The following MID1 variants were observed in gnomAD, a reference collection of about 807,000 sequenced individuals.
MID1 encodes E3 ubiquitin-protein ligase Midline-1.
MID1 carries 7 observed loss-of-function variants against 40.4 expected under a neutral mutation model. The ratio of observed to expected loss-of-function variants is 0.17; its 90% CI spans 0.10 to 0.33. The LOEUF (loss-of-function observed/expected upper bound fraction) is 0.33. Among genes scored for constraint, MID1 ranks in the 10% least tolerant of loss-of-function variants. The probability of loss-of-function intolerance (pLI) is 1.00; values close to 1 mark genes in which losing one functional copy is unlikely to be tolerated. For missense variants in MID1, 367 were observed against 558.5 expected, an observed-to-expected ratio of 0.66 and a Z score of 3.46; for synonymous variants, 229 against 221.2, an observed-to-expected ratio of 1.04 and a Z score of -0.31.
intron 1 of MID1, among the ~76,000 whole-genome samples, chrX:10,669,135 C>T (rs1286442021): frequency 2.0e-5 from 2 of 101,603 alleles, no homozygotes; most frequent in Non-Finnish European, 3.9e-5. Context: ...AGGAGAATGG[C>T]GTGAACCCGG....
intron 6 of MID1, among the ~76,000 whole-genome samples, chrX:10,472,714 C>T (rs941525074): frequency 8.9e-6 from 1 of 112,194 alleles, no homozygotes; most frequent in African/African-American, 3.2e-5. Context: ...ATCGTTTCCC[C>T]TCCACCCCTT....
intron 1 of MID1, among the ~76,000 whole-genome samples, chrX:10,761,018 T>C (rs781095694): frequency 9.0e-6 from 1 of 111,585 alleles, no homozygotes; most frequent in Non-Finnish European, 1.9e-5. Flanking sequence ...ATCATGTTAT[T>C]TTCTATGCTA....
intron 1 of MID1, among the ~76,000 whole-genome samples, chrX:10,680,430 C>T (rs891665652): frequency 3.6e-5 from 4 of 111,846 alleles, no homozygotes; most frequent in African/African-American, 1.3e-4. Flanking sequence ...TTTGCATAAT[C>T]ACTTTAAAAA....
intron 1 of MID1, among the ~76,000 whole-genome samples, chrX:10,647,599 T>C (rs891536336): frequency 8.9e-6 from 1 of 111,971 alleles, no homozygotes; most frequent in African/African-American, 3.2e-5. Flanking sequence ...AAGGGCATAT[T>C]CTGCTCACAG....
In MID1 at chrX:10,551,061, A is replaced by C. The variant is rs1312404649; in HGVS notation, c.660+15827T>G. Among the ~76,000 whole-genome samples the C allele has an allele frequency of 3.6e-5, 4 of 111,894 alleles. No homozygotes were observed. The Admixed American group carries it at 3.8e-4, about 11-fold the overall frequency. ...TCAGGTCCCTTATATAAAATGGCAT[A>C]GTATTTGCATATAACCTATGTATAT... On this transcript the variant is annotated intron_variant, in intron 2 of 9. Coordinates refer to ENST00000317552, the MANE Select transcript of MID1 (RefSeq NM_000381.4).
chrX:10,679,734 G>A (rs1367045221), intron 1 of MID1, among the ~76,000 whole-genome samples: 2 of 111,872 alleles, frequency 1.8e-5, no homozygotes, highest in East Asian at 5.6e-4. Flanking sequence ...GACTTCCGTG[G>A]TTTCTACTTT....
intron 3 of MID1, among the ~76,000 whole-genome samples, chrX:10,522,507 T>C (rs1303766832): frequency 8.9e-6 from 1 of 111,878 alleles, no homozygotes; most frequent in South Asian, 3.7e-4. Flanking sequence ...ATACAATACC[T>C]TTTTTTTGAG....
intron 1 of MID1, among the ~76,000 whole-genome samples, chrX:10,571,515 T>C (rs1391398979): frequency 2.8e-5 from 3 of 108,282 alleles, no homozygotes; most frequent in Non-Finnish European, 5.8e-5. Context: ...TTGCCATTCA[T>C]TCTTTCACCA....
intron 1 of MID1, among the ~76,000 whole-genome samples, chrX:10,763,142 T>A (rs919021286): frequency 9.0e-6 from 1 of 110,868 alleles, no homozygotes; most frequent in Non-Finnish European, 1.9e-5. Context: ...GCTGGTTTTT[T>A]TTTTTTTGCC....
chrX:10,782,469 A>G (rs769607574), intron 1 of MID1, among the ~76,000 whole-genome samples: 1 of 111,703 alleles, frequency 9.0e-6, no homozygotes, highest in South Asian at 3.8e-4. Flanking sequence ...AATTGCTATT[A>G]CCAACAGCAT....
chrX:10,575,879 TG>T (rs1934858586), intron 1 of MID1, among the ~76,000 whole-genome samples: 1 of 110,541 alleles, frequency 9.0e-6, no homozygotes, highest in African/African-American at 3.3e-5. Context: ...AGGTAAAGAA[TG>T]TTACTCTGAA....
At chrX:10,533,521 A>AT (rs767767687) in intron 2 of MID1, among the ~76,000 whole-genome samples, 20 of 110,005 alleles carry the variant, frequency 1.8e-4, no homozygotes, top group African/African-American at 4.3e-4. Context: ...TATACATAAC[A>AT]TTTTTTTTCT....
intron 2 of MID1, among the ~76,000 whole-genome samples, chrX:10,542,548 A>G (rs896709050): frequency 1.8e-5 from 2 of 112,274 alleles, no homozygotes; most frequent in Non-Finnish European, 3.8e-5. Flanking sequence ...TTGAACCTTT[A>G]CTGTTCTAAA....
In MID1 at chrX:10,722,798, C is replaced by A. The variant is rs374351014; in HGVS notation, c.-186-102379G>T. ...AATTGCTGACATTGGGAGCCCCGGT[C>A]GGAACTGCAGAAGCTGCTGCCTCTA... On this transcript the variant is annotated intron_variant, in intron 1 of 10. Coordinates refer to the MID1 transcript ENST00000380785. Among the ~76,000 whole-genome samples, 13 of 111,968 alleles carry A rather than the reference C, an allele frequency of 1.2e-4. No homozygotes were observed. In the East Asian group the frequency reaches 3.6e-3, roughly 31 times the overall value.
intron 1 of MID1, among the ~76,000 whole-genome samples, chrX:10,629,048 C>T (rs1936025031): frequency 9.0e-6 from 1 of 111,518 alleles, no homozygotes; most frequent in Non-Finnish European, 1.9e-5. Flanking sequence ...AACACTCCTT[C>T]ACCTCCTGTG....
At chrX:10,493,498 T>C (rs1415344912) in intron 4 of MID1, among the ~76,000 whole-genome samples, 1 of 112,210 alleles carries the variant, frequency 8.9e-6, no homozygotes, top group Non-Finnish European at 1.9e-5. Flanking sequence ...AGGTAATTTG[T>C]TATTGCAGCA....
At chrX:10,565,779 A>G (rs1859284) in intron 2 of MID1, among the ~76,000 whole-genome samples, 15,510 of 104,738 alleles carry the variant, frequency 0.15, 2,257 homozygotes, top group African/African-American at 0.44. Context: ...TTTCTTCCCT[A>G]GTGCTTTCTA....
At chrX:10,651,858 G>T (rs1569138464) in intron 1 of MID1, among the ~76,000 whole-genome samples, 1 of 111,189 alleles carries the variant, frequency 9.0e-6, no homozygotes, top group Non-Finnish European at 1.9e-5. Context: ...GCTCTCCTGG[G>T]CTCAAGTCAT....
chrX:10,708,514 G>A (rs1246187726), intron 1 of MID1, among the ~76,000 whole-genome samples: 2 of 110,962 alleles, frequency 1.8e-5, no homozygotes, highest in Non-Finnish European at 3.8e-5. Context: ...AAAAGAAAAG[G>A]GGAAATGAGG....
Sources: allele counts gnomAD v4.1 joint callset (sites outside exome capture counted in the v4.1 genomes callset), GRCh38; gene constraint gnomAD v4.1.1; transcripts MANE v1.5; gene names NCBI Gene and HGNC (gene_info 2026-07-23, HGNC 2026-07-21).